The following TIAM1 variants were observed in gnomAD, a reference collection of about 807,000 sequenced individuals.
TIAM1 encodes the protein TIAM Rac1 associated GEF 1.
Under a neutral mutation model 163.5 loss-of-function variants are expected in TIAM1, and 65 were observed. That is an observed-to-expected ratio of 0.40 (90% CI 0.33 to 0.49). TIAM1 has a LOEUF of 0.49. TIAM1 is among the 20% of genes least tolerant of loss of function. The pLI, the probability that TIAM1 is intolerant of heterozygous loss-of-function variation, is 0.77. For missense variants in TIAM1, 1,789 were observed against 2,044.7 expected (o/e 0.87, Z 2.41); for synonymous variants, 833 against 810.1 (o/e 1.03, Z -0.48).
At chr21:31,318,447 C>T (rs1279738534) in intron 2 of TIAM1, among the ~76,000 whole-genome samples, 1 of 152,130 alleles carries the variant, frequency 6.6e-6, no homozygotes, top group African/African-American at 2.4e-5. Flanking sequence ...TCCAAAATAA[C>T]AAATATCAAG....
intron 2 of TIAM1, among the ~76,000 whole-genome samples, chr21:31,353,993 A>C (rs2076277510): frequency 6.6e-6 from 1 of 151,698 alleles, no homozygotes; most frequent in African/African-American, 2.4e-5. Context: ...GCCCGCCAAC[A>C]AGCCCAGCTA....
At chr21:31,489,670 C>T (rs1249853962) in intron 1 of TIAM1, among the ~76,000 whole-genome samples, 4 of 116,420 alleles carry the variant, frequency 3.4e-5, no homozygotes, top group Admixed American at 9.4e-5. Context: ...CAGGAAGCCA[C>T]GCTCACAGCA....
chr21:31,555,629 C>G (rs2048849603), intron 1 of TIAM1, among the ~76,000 whole-genome samples: 1 of 152,248 alleles, frequency 6.6e-6, no homozygotes, highest in Middle Eastern at 3.4e-3. Context: ...CTCAAGCAGA[C>G]AGAAGCCCCC....
At chr21:31,300,960 T>C (rs545083369) in intron 2 of TIAM1, among the ~76,000 whole-genome samples, 2 of 152,344 alleles carry the variant, frequency 1.3e-5, no homozygotes, top group Admixed American at 1.3e-4. Context: ...TATTTGCTGC[T>C]AAGTTGACTC....
intron 2 of TIAM1, among the ~76,000 whole-genome samples, chr21:31,322,333 CAT>C (rs1449437859): frequency 6.6e-6 from 1 of 151,790 alleles, no homozygotes; most frequent in African/African-American, 2.4e-5. Flanking sequence ...GCATCTGCCT[CAT>C]AATGATGGGG....
chr21:31,320,450 C>G (rs2075274335), intron 2 of TIAM1, among the ~76,000 whole-genome samples: 1 of 151,984 alleles, frequency 6.6e-6, no homozygotes, highest in Non-Finnish European at 1.5e-5. Context: ...GATATTTTAT[C>G]AAATGCAAAA....
intron 12 of TIAM1, among the ~76,000 whole-genome samples, chr21:31,202,233 C>T (rs1360840094): frequency 6.6e-6 from 1 of 152,010 alleles, no homozygotes; most frequent in Non-Finnish European, 1.5e-5. Context: ...TAACAACAAC[C>T]AGCTGATTTT....
intron 1 of TIAM1, among the ~76,000 whole-genome samples, chr21:31,510,480 T>A (rs1406665844): frequency 2.0e-5 from 3 of 152,194 alleles, no homozygotes; most frequent in African/African-American, 7.2e-5. Flanking sequence ...ATATGAAGTT[T>A]CAACATAGGA....
intron 15 of TIAM1, among the ~76,000 whole-genome samples, chr21:31,173,912 G>A (rs1342606826): frequency 6.6e-6 from 1 of 152,138 alleles, no homozygotes; most frequent in Non-Finnish European, 1.5e-5. Flanking sequence ...AATCTCACTG[G>A]AAGTTACCCC....
At chr21:31,375,741 A>G (rs1196336710) in intron 2 of TIAM1, among the ~76,000 whole-genome samples, 1 of 152,148 alleles carries the variant, frequency 6.6e-6, no homozygotes, top group East Asian at 1.9e-4. Context: ...TTAAGAGTAG[A>G]AAAAAGGCCA....
chr21:31,198,762 T>C (rs1219936728), intron 12 of TIAM1, among the ~76,000 whole-genome samples: 1 of 152,194 alleles, frequency 6.6e-6, no homozygotes, highest in Admixed American at 6.5e-5. Context: ...TTCCTATATT[T>C]TCATAATACT....
intron 16 of TIAM1, among the ~76,000 whole-genome samples, chr21:31,164,187 G>A (rs550916561): frequency 1.3e-5 from 2 of 152,138 alleles, no homozygotes; most frequent in Non-Finnish European, 2.9e-5. Context: ...TCAGGAGATC[G>A]AGACCATCCT....
At chr21:31,471,048 G>A (rs953294837) in intron 1 of TIAM1, among the ~76,000 whole-genome samples, 2 of 152,204 alleles carry the variant, frequency 1.3e-5, no homozygotes, top group African/African-American at 4.8e-5. Flanking sequence ...ACAAGCAACA[G>A]CAAAAGCAGT....
chr21:31,182,044 A>G lies in TIAM1; in HGVS notation c.2887+377T>C, dbSNP rs186480571. ...AGGTATCCTCCTGCTTCCACCTCCCAAGTGCTGGGATTACAGGTGCGAGCC... is the reference window on the plus strand; with the variant it reads ...AGGTATCCTCCTGCTTCCACCTCCCGAGTGCTGGGATTACAGGTGCGAGCC... On this transcript the variant is annotated intron_variant, in intron 15 of 27. Coordinates refer to ENST00000541036, the MANE Select transcript of TIAM1 (RefSeq NM_001353694.2). Among the ~76,000 whole-genome samples the G allele has an allele frequency of 1.1e-3, 166 of 149,828 alleles. 1 individual carries two copies. Among genetic ancestry groups the G allele is most frequent in the African/African-American group, 3.8e-3 (156 of 40,740 alleles).
At chr21:31,345,551 T>G (rs1050792459), upstream of TIAM1, among the ~76,000 whole-genome samples, 7 of 152,072 alleles carry the variant, frequency 4.6e-5, no homozygotes, top group Non-Finnish European at 7.4e-5. Flanking sequence ...ATCTTTACAT[T>G]CTTGGTAAAG....
Position 31,296,499 on chromosome 21 carries a change from T to C in TIAM1, c.-188-19591A>G, listed in dbSNP as rs566959830. Among the ~76,000 whole-genome samples the C allele has an allele frequency of 4.6e-5, 7 of 152,316 alleles. No homozygotes were observed. The South Asian group carries it at 1.4e-3, about 32-fold the overall frequency. On this transcript the variant is annotated intron_variant, in intron 2 of 27. Transcript: ENST00000541036. ...ATACATAATTTTTAAAACTCCTGCT[T>C]ATGCATGAATCATCTGCAAGATAAT...
chr21:31,120,328 G>C lies in TIAM1; in HGVS notation c.*40C>G, dbSNP rs1366388060. 1.3e-6 allele frequency: 2 copies of C among 1,546,672 alleles called. No homozygotes were observed. The highest frequency in any genetic ancestry group is 1.8e-6 in the Non-Finnish European group (2 of 1,141,464). On this transcript the variant is annotated 3_prime_UTR_variant, in exon 28 of 28. Transcript: ENST00000541036. The surrounding 1 kb of genome is among the most constrained non-coding windows in gnomAD (Gnocchi z 4.2). Reference sequence around the variant, plus strand: ...AGGAGGGTGGGCAGAGTTAGGGCAGGAAGTATCTACACACATTCTCTACGG... The same window carrying C: ...AGGAGGGTGGGCAGAGTTAGGGCAGCAAGTATCTACACACATTCTCTACGG...
chr21:31,384,232 A>G lies in TIAM1; in HGVS notation c.-368-44810T>C, dbSNP rs541713609. 4.1e-4 allele frequency among the ~76,000 whole-genome samples: 62 copies of G among 152,164 alleles called. 1 individual carries two copies. The South Asian group carries it at 0.012, about 31-fold the overall frequency. On this transcript the variant is annotated intron_variant, in intron 2 of 28. Transcript: ENST00000286827. ...ATATATAACATCTGAAGAGGATGGAAATAGAAGTAATCAAGCAAACACATC... is the reference window on the plus strand; with the variant it reads ...ATATATAACATCTGAAGAGGATGGAGATAGAAGTAATCAAGCAAACACATC...
intron 12 of TIAM1, among the ~76,000 whole-genome samples, chr21:31,201,659 C>A (rs7276987): frequency 0.045 from 6,891 of 152,246 alleles, 451 homozygotes; most frequent in African/African-American, 0.15. Flanking sequence ...TCATGCTTCC[C>A]TTTTCCAAAA....
Sources: gnomAD v4.1 joint callset for allele counts (sites outside exome capture counted in the v4.1 genomes callset) on GRCh38, gnomAD v4.1.1 for gene constraint, Gnocchi (gnomAD v3.1) non-coding constraint, MANE v1.5 for transcripts, NCBI Gene and HGNC (gene_info 2026-07-23, HGNC 2026-07-21) for gene names.